The following PRELID2 variants were observed in gnomAD, a reference collection of about 807,000 sequenced individuals.
PRELID2 encodes PRELI domain containing 2.
PRELID2 carries 25 observed loss-of-function variants against 28.4 expected under a neutral mutation model. That is an observed-to-expected ratio of 0.88 (90% CI 0.64 to 1.23). PRELID2 has a LOEUF of 1.23. PRELID2 is among the 50% of genes most tolerant of loss of function. The pLI, the probability that PRELID2 is intolerant of heterozygous loss-of-function variation, is 0.00. For missense variants in PRELID2, 201 were observed against 214.4 expected, an observed-to-expected ratio of 0.94 and a Z score of 0.39; for synonymous variants, 76 against 71.6, an observed-to-expected ratio of 1.06 and a Z score of -0.31.
At chr5:145,312,025 T>A in the PRELID2 span, among the ~76,000 whole-genome samples, 3 of 152,102 alleles carry the variant, frequency 2.0e-5, no homozygotes, top group African/African-American at 7.2e-5. Context: ...CACATACTTA[T>A]CATTTTTTAT....
intron 1 of PRELID2, among the ~76,000 whole-genome samples, chr5:145,589,658 G>A (rs1753201747): frequency 6.6e-6 from 1 of 151,724 alleles, no homozygotes; most frequent in Admixed American, 6.6e-5. Context: ...TGCTTTTCTG[G>A]CCTCATTGAT....
At chr5:145,388,006 A>T in the PRELID2 span, among the ~76,000 whole-genome samples, 1 of 152,116 alleles carries the variant, frequency 6.6e-6, no homozygotes. Flanking sequence ...AAAAATATTT[A>T]AAGAGGCTTA....
At chr5:145,366,094 A>T in the PRELID2 span, among the ~76,000 whole-genome samples, 1 of 151,876 alleles carries the variant, frequency 6.6e-6, no homozygotes, top group Non-Finnish European at 1.5e-5. Flanking sequence ...AAATTAACTT[A>T]AGTGGGTATG....
intron 1 of PRELID2, among the ~76,000 whole-genome samples, chr5:145,548,771 T>C (rs1237761439): frequency 6.6e-6 from 1 of 152,192 alleles, no homozygotes; most frequent in Non-Finnish European, 1.5e-5. Context: ...CTCTCCTCAG[T>C]GGGGAAGTCA....
chr5:145,743,873 G>A (rs770236788), intron 1 of PRELID2, among the ~76,000 whole-genome samples: 1 of 152,238 alleles, frequency 6.6e-6, no homozygotes, highest in South Asian at 2.1e-4. Flanking sequence ...TGAGCTCCTT[G>A]GGGGAGGAGC....
chr5:145,684,833 C>T (rs1426080187), intron 1 of PRELID2, among the ~76,000 whole-genome samples: 1 of 152,094 alleles, frequency 6.6e-6, no homozygotes, highest in Non-Finnish European at 1.5e-5. Context: ...CTGTTGGCAC[C>T]ACTAAGGCAA....
the PRELID2 span, among the ~76,000 whole-genome samples, chr5:145,308,560 G>GATCT: frequency 2.0e-5 from 3 of 151,604 alleles, no homozygotes; most frequent in African/African-American, 7.3e-5. Context: ...CCACCATATA[G>GATCT]ATCTATCTAT....
At chr5:145,788,467 G>A (rs994538838) in intron 5 of PRELID2, among the ~76,000 whole-genome samples, 3 of 152,146 alleles carry the variant, frequency 2.0e-5, no homozygotes, top group Admixed American at 6.6e-5. Context: ...CTCCCAGGTT[G>A]AGGAACACAC....
chr5:145,781,398 T>C (rs1751577641), intron 5 of PRELID2, among the ~76,000 whole-genome samples: 3 of 152,096 alleles, frequency 2.0e-5, no homozygotes. Flanking sequence ...GACATTTTCC[T>C]GGTCTTTTTG....
the PRELID2 span, among the ~76,000 whole-genome samples, chr5:145,288,193 A>T: frequency 2.6e-5 from 4 of 152,134 alleles, no homozygotes; most frequent in Non-Finnish European, 4.4e-5. Context: ...TTACTATAAG[A>T]AGCATACACT....
At chr5:145,273,245 A>C in the PRELID2 span, among the ~76,000 whole-genome samples, 1 of 152,150 alleles carries the variant, frequency 6.6e-6, no homozygotes, top group Non-Finnish European at 1.5e-5. Flanking sequence ...AGAAGTGGCC[A>C]GTATTACCAA....
the PRELID2 span, among the ~76,000 whole-genome samples, chr5:145,456,833 T>C: frequency 6.6e-6 from 1 of 152,232 alleles, no homozygotes; most frequent in Admixed American, 6.5e-5. Flanking sequence ...CTTCGAGTTA[T>C]GAGCTCTTAA....
At chr5:145,508,901 C>T (rs1341764324) in intron 1 of PRELID2, among the ~76,000 whole-genome samples, 2 of 152,132 alleles carry the variant, frequency 1.3e-5, no homozygotes, top group African/African-American at 4.8e-5. Flanking sequence ...CCCTTTGGAT[C>T]TTTTCTGAAC....
chr5:145,691,674 C>T (rs184335883), intron 1 of PRELID2, among the ~76,000 whole-genome samples: 61 of 152,090 alleles, frequency 4.0e-4, no homozygotes, highest in South Asian at 1.9e-3. Context: ...GCCGAGATTA[C>T]GCCACTGCAC....
intron 1 of PRELID2, among the ~76,000 whole-genome samples, chr5:145,642,307 T>C (rs1754120692): frequency 6.6e-6 from 1 of 152,230 alleles, no homozygotes; most frequent in Non-Finnish European, 1.5e-5. Context: ...ACTGAATAAA[T>C]ATCTTCTTTA....
chr5:145,626,642 A>G (rs1464768474), intron 1 of PRELID2, among the ~76,000 whole-genome samples: 1 of 152,228 alleles, frequency 6.6e-6, no homozygotes, highest in Admixed American at 6.5e-5. Context: ...AAATGGAATT[A>G]CCCTACAATC....
the PRELID2 span, among the ~76,000 whole-genome samples, chr5:145,313,798 T>C: frequency 6.6e-6 from 1 of 152,098 alleles, no homozygotes; most frequent in Non-Finnish European, 1.5e-5. Flanking sequence ...GTTTACAAAC[T>C]GAGAAAAGTC....
intron 4 of PRELID2, among the ~76,000 whole-genome samples, chr5:145,798,311 T>G (rs1752898431): frequency 6.6e-6 from 1 of 152,044 alleles, no homozygotes; most frequent in African/African-American, 2.4e-5. Flanking sequence ...GCAGAGTGAG[T>G]GCCTATTTGA....
the PRELID2 span, among the ~76,000 whole-genome samples, chr5:145,370,527 T>C: frequency 2.6e-5 from 4 of 152,158 alleles, no homozygotes; most frequent in East Asian, 3.8e-4. Context: ...TACTGTATCC[T>C]TGTAGTACAG....
Sources: allele counts gnomAD v4.1 joint callset (sites outside exome capture counted in the v4.1 genomes callset), GRCh38; gene constraint gnomAD v4.1.1; transcripts MANE v1.5; gene names NCBI Gene and HGNC (gene_info 2026-07-23, HGNC 2026-07-21).